MUC4: variants seen among roughly 807,000 people sequenced by gnomAD.
The protein encoded by MUC4 is mucin-4.
A neutral mutation model predicts 257.9 loss-of-function variants in MUC4; 202 were observed. The observed-to-expected ratio is 0.78, with a 90% confidence interval of 0.70 to 0.88. The LOEUF is 0.88. Among genes scored for constraint, MUC4 ranks in the 40% least tolerant of loss-of-function variants. MUC4 has a pLI of 0.00. For missense variants in MUC4, 5,976 were observed against 6,513.7 expected (o/e 0.92, Z 2.84); for synonymous variants, 2,351 against 2,757.1 (o/e 0.85, Z 4.62).
intron 1 of MUC4, among the ~76,000 whole-genome samples, chr3:195,802,895 C>T (rs1327065588): frequency 2.0e-5 from 3 of 152,098 alleles, no homozygotes; most frequent in African/African-American, 7.2e-5. Context: ...AACCTTGAGG[C>T]AGCTGCAAAG....
intron 7 of MUC4, among the ~76,000 whole-genome samples, chr3:195,767,624 C>CCAT (rs1721283237): frequency 2.1e-5 from 2 of 94,222 alleles, no homozygotes; most frequent in Non-Finnish European, 4.8e-5. Flanking sequence ...ACCACCATCA[C>CCAT]CACCATCACC....
chr3:195,751,221 G>C lies in MUC4; in HGVS notation c.15633C>G (p.Ser5211Arg), dbSNP rs1244875074. The C allele has an allele frequency of 6.2e-7, 1 of 1,606,772 alleles. No individual in the cohort carries two copies. Among genetic ancestry groups the C allele is most frequent in the African/African-American group, 1.3e-5 (1 of 74,784 alleles). The change falls in exon 22 of 25, where the codon AGC becomes AGG. Residue 5211 changes from serine to arginine, a missense_variant. Around this residue, in one of 44 missense-constraint regions of MUC4, gnomAD observed 996 missense variants for 1,137.3 expected, o/e 0.88. Transcript: ENST00000463781. ...GTCCCACTTACATTCGTTCCACTTG[G>C]CTGTTGCGGAGAAAGGCCCGCATGT... ...TLDMRAFLRN[S>R]QVERIDSAAP... is the part of the protein sequence containing the mutation.
At chr3:195,778,594 C>A in intron 2 of MUC4, 139 bp from the exon 3 acceptor site, 1 of 1,311,778 alleles carries the variant, frequency 7.6e-7, no homozygotes, top group Non-Finnish European at 1.0e-6. Context: ...AAACTACTCT[C>A]GACATCAGTG....
Position 195,757,243 on chromosome 3 carries a change from T to C in MUC4, c.15072A>G (p.Ala5024=). ...ILARSAKIGL[A]SALQPRTVVC... Reference sequence around the variant, plus strand: ...CCACAGTCCTGGGCTGGAGTGCAGATGCCAAGCCAATCTTGGCACTTCTTG... The same window carrying C: ...CCACAGTCCTGGGCTGGAGTGCAGACGCCAAGCCAATCTTGGCACTTCTTG... Residue 5024 remains alanine, a synonymous_variant, in exon 18 of 25, where the codon GCA becomes GCG. Coordinates refer to ENST00000463781, the MANE Select transcript of MUC4 (RefSeq NM_018406.7). This position sits in a 1 kb window ranked among gnomAD's most constrained non-coding sequence, Gnocchi z 4.8. 4 of 1,613,638 alleles carry C rather than the reference T, an allele frequency of 2.5e-6. No homozygotes were observed. Among genetic ancestry groups the C allele is most frequent in the South Asian group, 1.1e-5 (1 of 91,068 alleles).
intron 1 of MUC4, among the ~76,000 whole-genome samples, chr3:195,798,904 G>C (rs1453793483): frequency 6.6e-6 from 1 of 151,998 alleles, no homozygotes. Flanking sequence ...AGTCCTACAA[G>C]AGCTGGCTCA....
At chr3:195,795,068 C>T (rs962448372) in intron 1 of MUC4, among the ~76,000 whole-genome samples, 12 of 152,310 alleles carry the variant, frequency 7.9e-5, no homozygotes, top group Admixed American at 6.5e-4. Flanking sequence ...ACTCTAAACT[C>T]GATGCCTGCT....
Position 195,789,175 on chromosome 3 carries a change from G to C in MUC4, c.2405C>G (p.Thr802Arg), listed in dbSNP as rs1733523895. Reference sequence around the variant, plus strand: ...CGCCCCGGATGAGGAAGGGGTAGCTGTGCCCGCTGAGGTGGTTCGTGACCC... The same window carrying C: ...CGCCCCGGATGAGGAAGGGGTAGCTCTGCCCGCTGAGGTGGTTCGTGACCC... The part of the protein sequence containing the change: ...SSGSRTTSAG[T>R]ATPSSSGASG... The change falls in exon 2 of 25, where the codon ACA becomes AGA. Residue 802 changes from threonine to arginine, a missense_variant. Coordinates refer to ENST00000463781, the MANE Select transcript of MUC4 (RefSeq NM_018406.7). 5 of 1,613,748 alleles carry C rather than the reference G, an allele frequency of 3.1e-6. No individual in the cohort carries two copies. In the South Asian group the frequency reaches 5.5e-5, roughly 18 times the overall value.
intron 21 of MUC4, chr3:195,751,956 C>G (rs1306469536): frequency 4.4e-6 from 1 of 227,990 alleles, no homozygotes; most frequent in Non-Finnish European, 8.7e-6. Context: ...GATTCTGATT[C>G]TGGGTGTGCA....
At position 195,770,303 on chromosome 3, in the gene MUC4, C is replaced by G. The variant is rs2259102; in HGVS notation, c.13311G>C (p.Met4437Ile). Residue 4437 changes from methionine (M) to isoleucine (I), a missense_variant, in exon 6 of 25, where the codon ATG (methionine) becomes ATC (isoleucine). Transcript: ENST00000463781. Reference sequence around the variant, plus strand: ...TGGCCTTGTAGCCCCCGTTGTTTGTCATCTTTCTAATCCAAGACTCGGCCT... The same window carrying G: ...TGGCCTTGTAGCCCCCGTTGTTTGTGATCTTTCTAATCCAAGACTCGGCCT... ...VQQAESWIRK[M>I]TNNGGYKARW... 0.82 allele frequency: 1,317,959 copies of G among 1,613,808 alleles called. 541,528 individuals are homozygous for G. The highest frequency in any genetic ancestry group is 0.97 in the African/African-American group (72,739 of 75,010).
chr3:195,786,435 G>A lies in MUC4; in HGVS notation c.5145C>T (p.Val1715=). Residue 1715 remains valine (V), a synonymous_variant, in exon 2 of 25, where the codon GTC becomes GTT. Coordinates refer to ENST00000463781, the MANE Select transcript of MUC4 (RefSeq NM_018406.7). ...ASTGQATPLP[V]TSLSSVSTGD... ...CTGTGGATACTGAGGAAAGGCTGGT[G>A]ACAGGAAGAGGGGTGGCCTGACCTG... The A allele has an allele frequency of 1.3e-6, 2 of 1,534,282 alleles. No individual in the cohort carries two copies. Among genetic ancestry groups the A allele is most frequent in the Non-Finnish European group, 1.8e-6 (2 of 1,137,284 alleles).
intron 19 of MUC4, chr3:195,753,485 C>A: frequency 1.9e-6 from 1 of 519,036 alleles, no homozygotes; most frequent in Non-Finnish European, 3.3e-6. Flanking sequence ...CAGAAAGGAC[C>A]CCGAAGGCTG....
intron 1 of MUC4, 47 bp downstream of exon 1, chr3:195,811,689 C>T (rs779509766): frequency 6.3e-7 from 1 of 1,585,546 alleles, no homozygotes; most frequent in South Asian, 1.1e-5. Context: ...CCCACCTCCC[C>T]CAAGTGCTCC....
intron 18 of MUC4, among the ~76,000 whole-genome samples, chr3:195,754,778 GTA>G (rs1352304221): frequency 2.6e-5 from 4 of 152,182 alleles, no homozygotes; most frequent in Admixed American, 1.3e-4. Flanking sequence ...ATCCATGTAT[GTA>G]TGTGTGTATC....
chr3:195,752,572 A>AGAAGT (rs796692492), intron 20 of MUC4, 126 bp from the exon 21 acceptor site: 10 of 770,074 alleles, frequency 1.3e-5, no homozygotes, highest in African/African-American at 1.2e-4. Context: ...AGAAACCGGG[A>AGAAGT]GAAGTGGCCC....
At chr3:195,801,997 C>A (rs1419928494) in intron 1 of MUC4, among the ~76,000 whole-genome samples, 2 of 152,082 alleles carry the variant, frequency 1.3e-5, no homozygotes, top group Non-Finnish European at 2.9e-5. Flanking sequence ...TCTCCTGCTG[C>A]CCCTCCCTCT....
intron 21 of MUC4, 33 bp from the exon 22 acceptor site, chr3:195,751,304 TGAGGCCCCATCCGGGGGG>T (rs752335718): frequency 1.3e-6 from 2 of 1,530,048 alleles, no homozygotes; most frequent in South Asian, 1.2e-5. Flanking sequence ...GGGGTGGGGG[TGAGGCCCCATCCGGGGGG>T]GAGACGCCCT....
At chr3:195,807,403 G>A (rs1258864356) in intron 1 of MUC4, among the ~76,000 whole-genome samples, 1 of 152,130 alleles carries the variant, frequency 6.6e-6, no homozygotes, top group Admixed American at 6.5e-5. Flanking sequence ...GGGAGGCAGA[G>A]GCTGCACTGA....
intron 1 of MUC4, 99 bp from the exon 2 acceptor site, chr3:195,791,596 A>G: frequency 1.3e-6 from 1 of 770,202 alleles, no homozygotes; most frequent in East Asian, 2.5e-5. Flanking sequence ...AATACAGCTA[A>G]CAAAGGATGT....
intron 1 of MUC4, among the ~76,000 whole-genome samples, chr3:195,801,749 G>C (rs920838579): frequency 6.6e-6 from 1 of 152,042 alleles, no homozygotes; most frequent in African/African-American, 2.4e-5. Flanking sequence ...CAGTCCTCAC[G>C]CGTCTCATCA....
Sources: allele counts gnomAD v4.1 joint callset (sites outside exome capture counted in the v4.1 genomes callset), GRCh38; gene constraint gnomAD v4.1.1; regional missense constraint gnomAD v4.1.1; non-coding constraint Gnocchi (gnomAD v3.1); transcripts MANE v1.5; gene names NCBI Gene and HGNC (gene_info 2026-07-23, HGNC 2026-07-21).